Variants in NXN observed in about 807,000 individuals in gnomAD.
The protein encoded by NXN is nucleoredoxin 1.
In NXN, 16 loss-of-function variants were observed where a neutral mutation model predicts 48.6. That is an observed-to-expected ratio of 0.33 (90% CI 0.22 to 0.50). The LOEUF (loss-of-function observed/expected upper bound fraction) is 0.50. Among genes scored for constraint, NXN ranks in the 20% least tolerant of loss-of-function variants. The probability of loss-of-function intolerance (pLI) is 0.98; values close to 1 mark genes in which losing one functional copy is unlikely to be tolerated. For synonymous variants in NXN, 281 were observed against 269.6 expected, an observed-to-expected ratio of 1.04 and a Z score of -0.41; for missense variants, 492 against 605.5, an observed-to-expected ratio of 0.81 and a Z score of 1.97.
At chr17:880,345 T>C (rs771724401) in intron 1 of NXN, among the ~76,000 whole-genome samples, 5 of 152,148 alleles carry the variant, frequency 3.3e-5, no homozygotes, top group Non-Finnish European at 5.9e-5. Flanking sequence ...CAACCAGGGC[T>C]GGGGTTTGTG....
At chr17:810,866 G>A (rs898795826) in intron 5 of NXN, among the ~76,000 whole-genome samples, 11 of 152,044 alleles carry the variant, frequency 7.2e-5, no homozygotes, top group Non-Finnish European at 1.2e-4. Context: ...TCCAGCCTGG[G>A]CGACAGAGCG....
At chr17:953,918 G>A (rs556136348) in intron 1 of NXN, among the ~76,000 whole-genome samples, 56 of 152,306 alleles carry the variant, frequency 3.7e-4, no homozygotes, top group African/African-American at 1.1e-3. Flanking sequence ...CCTGCGTGAC[G>A]GGTGCGGGAG....
chr17:836,711 T>A (rs1339548438), intron 1 of NXN, among the ~76,000 whole-genome samples: 1 of 152,192 alleles, frequency 6.6e-6, no homozygotes, highest in African/African-American at 2.4e-5. Context: ...TAACAGAACC[T>A]ACACCTCACT....
In NXN at chr17:800,736, C is replaced by CA. The variant is rs2144551110; in HGVS notation, c.*212dup. 2.6e-6 allele frequency: 1 copy of CA among 388,564 alleles called. No homozygotes were observed. Among genetic ancestry groups the CA allele is most frequent in the South Asian group, 1.2e-4 (1 of 8,480 alleles). The allele number at this position is 388,564 out of a possible 1,614,324, so 24.1% of individuals were successfully genotyped here. ...CCCCCGGCCATCCCGTGCTCCCAAA[C>CA]AGAGTCTCCAAACACGGTGGACTCT... On this transcript the variant is annotated 3_prime_UTR_variant, in exon 8 of 8. Transcript: ENST00000336868.
chr17:889,214 G>A (rs1274661579), intron 1 of NXN, among the ~76,000 whole-genome samples: 2 of 152,158 alleles, frequency 1.3e-5, no homozygotes, highest in Non-Finnish European at 2.9e-5. Flanking sequence ...GCCTGCACGT[G>A]CCACACTTGC....
intron 1 of NXN, among the ~76,000 whole-genome samples, chr17:892,840 T>C (rs2068437963): frequency 6.6e-6 from 1 of 152,148 alleles, no homozygotes; most frequent in African/African-American, 2.4e-5. Flanking sequence ...ACCAACAGTG[T>C]CCAACACAAA....
intron 1 of NXN, among the ~76,000 whole-genome samples, chr17:939,501 A>G (rs2068945779): frequency 6.6e-6 from 1 of 152,014 alleles, no homozygotes; most frequent in African/African-American, 2.4e-5. Context: ...GCCCGCCACC[A>G]CGCCTAATTA....
rs550128795 is a variant in NXN at position 803,782 on chromosome 17, T to A, written c.1025A>T (p.Glu342Val). ...CGGCTGAATCAGCTGCTTGGCCGCC[T>A]CGGACTCTCCGTCATCCTCAGAATC... ...FVDSEDDGES[E>V]AAKQLIQPIA... is the part of the protein sequence containing the mutation. The change falls in exon 7 of 8, where the codon GAG becomes GTG. Residue 342 changes from glutamate to valine, a missense_variant. Around this residue, in one of 3 missense-constraint regions of NXN, gnomAD observed 303 missense variants for 388.3 expected, o/e 0.78. Coordinates refer to ENST00000336868, the MANE Select transcript of NXN (RefSeq NM_022463.5). 5.0e-6 allele frequency: 8 copies of A among 1,614,184 alleles called. No homozygotes were observed. Among genetic ancestry groups the A allele is most frequent in the Non-Finnish European group, 5.9e-6 (7 of 1,180,034 alleles).
At chr17:886,496 G>A (rs997737049) in intron 1 of NXN, among the ~76,000 whole-genome samples, 2 of 152,212 alleles carry the variant, frequency 1.3e-5, no homozygotes, top group African/African-American at 4.8e-5. Flanking sequence ...CAACACCGTT[G>A]GCCGGCGCGG....
Position 849,960 on chromosome 17 carries a change from C to T in NXN, c.361-23882G>A, listed in dbSNP as rs2067906443. On this transcript the variant is annotated intron_variant, in intron 1 of 7. Transcript: ENST00000336868. This position sits in a 1 kb window ranked among gnomAD's most constrained non-coding sequence, Gnocchi z 4.2. ...TCCTGAAACCCCAGGCTGGTCCCTCCGCATCCCAGCTGGGTGCCGTTCCTG... is the reference window on the plus strand; with the variant it reads ...TCCTGAAACCCCAGGCTGGTCCCTCTGCATCCCAGCTGGGTGCCGTTCCTG... Among the ~76,000 whole-genome samples the T allele has an allele frequency of 6.6e-6, 1 of 152,100 alleles. No individual in the cohort carries two copies. Among genetic ancestry groups the T allele is most frequent in the African/African-American group, 2.4e-5 (1 of 41,484 alleles).
Position 978,176 on chromosome 17 carries a change from C to T in NXN, c.360+1143G>A, listed in dbSNP as rs1343403859. 2.0e-5 allele frequency: 3 copies of T among 152,232 alleles called. No individual in the cohort carries two copies. Among genetic ancestry groups the T allele is most frequent in the South Asian group, 2.1e-4 (1 of 4,832 alleles). The allele number at this position is 152,232 out of a possible 1,614,324, so 9.4% of individuals were successfully genotyped here. On this transcript the variant is annotated intron_variant, in intron 1 of 7. Transcript: ENST00000336868. This position sits in a 1 kb window ranked among gnomAD's most constrained non-coding sequence, Gnocchi z 4.1. ...CTCCCCAGAGGAAACTAAACGCCCCCAGAATAGCCCTTCTGTCCACTCCAG... is the reference window on the plus strand; with the variant it reads ...CTCCCCAGAGGAAACTAAACGCCCCTAGAATAGCCCTTCTGTCCACTCCAG...
intron 1 of NXN, among the ~76,000 whole-genome samples, chr17:843,231 C>T (rs369714238): frequency 5.3e-5 from 8 of 152,348 alleles, no homozygotes; most frequent in African/African-American, 1.4e-4. Context: ...TGGCTGCTGG[C>T]GTGGGGAGTC....
At chr17:936,456 G>C (rs1159697614) in intron 1 of NXN, among the ~76,000 whole-genome samples, 1 of 151,778 alleles carries the variant, frequency 6.6e-6, no homozygotes, top group Non-Finnish European at 1.5e-5. Flanking sequence ...CATCCTGTCA[G>C]TGCACACGCC....
intron 1 of NXN, among the ~76,000 whole-genome samples, chr17:852,976 A>C (rs2067940604): frequency 6.6e-6 from 1 of 151,744 alleles, no homozygotes; most frequent in Non-Finnish European, 1.5e-5. Context: ...CTAAAGTGTA[A>C]ATTTTTTCTT....
intron 1 of NXN, among the ~76,000 whole-genome samples, chr17:913,328 G>A (rs1200953098): frequency 6.6e-6 from 1 of 152,150 alleles, no homozygotes; most frequent in Non-Finnish European, 1.5e-5. Context: ...CCACAGCCCA[G>A]GATGGCCCAT....
intron 1 of NXN, among the ~76,000 whole-genome samples, chr17:892,248 A>T (rs2068430825): frequency 6.6e-6 from 1 of 150,738 alleles, no homozygotes; most frequent in Non-Finnish European, 1.5e-5. Context: ...AGCTAACCCC[A>T]CCATGCACAA....
At chr17:842,812 G>A (rs773103235) in intron 1 of NXN, among the ~76,000 whole-genome samples, 16 of 152,124 alleles carry the variant, frequency 1.1e-4, no homozygotes, top group East Asian at 1.9e-4. Context: ...GGTTGCACAC[G>A]CCTGTAATCT....
chr17:841,659 A>ATGC (rs1914311502), intron 1 of NXN, among the ~76,000 whole-genome samples: 1 of 140,758 alleles, frequency 7.1e-6, no homozygotes, highest in Non-Finnish European at 1.6e-5. Flanking sequence ...AGCGCATCTC[A>ATGC]CGCCGGCGAG....
intron 1 of NXN, among the ~76,000 whole-genome samples, chr17:952,057 C>T (rs1037018594): frequency 1.3e-5 from 2 of 152,128 alleles, no homozygotes; most frequent in African/African-American, 2.4e-5. Context: ...GGGGCGTTTC[C>T]GTTTTTGTGG....
Sources: allele counts gnomAD v4.1 joint callset (sites outside exome capture counted in the v4.1 genomes callset), GRCh38; gene constraint gnomAD v4.1.1; regional missense constraint gnomAD v4.1.1; non-coding constraint Gnocchi (gnomAD v3.1); transcripts MANE v1.5; gene names NCBI Gene and HGNC (gene_info 2026-07-23, HGNC 2026-07-21).